Variants in GSE1 observed in about 807,000 individuals in gnomAD.
GSE1 encodes the protein Gse1 coiled-coil protein.
Under a neutral mutation model 112.6 loss-of-function variants are expected in GSE1, and 32 were observed. The observed-to-expected ratio is 0.28, with a 90% CI of 0.21 to 0.38. GSE1 has a LOEUF of 0.38. GSE1 is among the 10% of genes least tolerant of loss of function. The probability of loss-of-function intolerance (pLI) is 1.00; values close to 1 mark genes in which losing one functional copy is unlikely to be tolerated. For synonymous variants in GSE1, 1,115 were observed against 735.6 expected (o/e 1.52, Z -8.35); for missense variants, 2,348 against 1,699.2 (o/e 1.38, Z -6.71).
intron 1 of GSE1, among the ~76,000 whole-genome samples, chr16:85,206,470 G>A (rs1159470072): frequency 6.6e-6 from 1 of 152,130 alleles, no homozygotes; most frequent in Non-Finnish European, 1.5e-5. Flanking sequence ...GGTGTGAGAG[G>A]CTTTTCGGGG....
chr16:85,227,500 A>C (rs561356419), intron 1 of GSE1, among the ~76,000 whole-genome samples: 1 of 152,266 alleles, frequency 6.6e-6, no homozygotes, highest in South Asian at 2.1e-4. Context: ...AGGGCGATCC[A>C]GGTAGCAGGA....
intron 2 of GSE1, among the ~76,000 whole-genome samples, chr16:85,534,406 G>C (rs2044252197): frequency 6.6e-6 from 1 of 152,158 alleles, no homozygotes. Context: ...ACAGGACTGA[G>C]CCACCACGCC....
intron 1 of GSE1, among the ~76,000 whole-genome samples, chr16:85,242,433 G>A (rs542392182): frequency 6.6e-6 from 1 of 152,242 alleles, no homozygotes; most frequent in South Asian, 2.1e-4. Context: ...AGTTGGTGAA[G>A]GCCACCTTCC....
chr16:85,478,919 C>CCTTCT (rs2050575678), intron 2 of GSE1, among the ~76,000 whole-genome samples: 1 of 45,512 alleles, frequency 2.2e-5, no homozygotes, highest in African/African-American at 1.3e-4. Flanking sequence ...TTCTTTCTTT[C>CCTTCT]TTTCTTTCTC....
At chr16:85,623,621 G>A (rs534207363) in intron 1 of GSE1, among the ~76,000 whole-genome samples, 2 of 152,336 alleles carry the variant, frequency 1.3e-5, no homozygotes, top group African/African-American at 4.8e-5. Flanking sequence ...TGAGTGGGAT[G>A]TGAGGACCCC....
At chr16:85,436,793 G>A (rs550891617) in intron 2 of GSE1, among the ~76,000 whole-genome samples, 7 of 152,344 alleles carry the variant, frequency 4.6e-5, no homozygotes, top group South Asian at 2.1e-4. Flanking sequence ...GGGACCCCAC[G>A]CGCGCTGCCA....
intron 2 of GSE1, among the ~76,000 whole-genome samples, chr16:85,644,876 G>A (rs1385540286): frequency 5.3e-5 from 8 of 151,454 alleles, no homozygotes; most frequent in African/African-American, 9.7e-5. Flanking sequence ...TTTAAACAAC[G>A]ATCCTTTCCC....
chr16:85,635,072 A>G (rs993662945), intron 2 of GSE1, among the ~76,000 whole-genome samples: 1 of 152,150 alleles, frequency 6.6e-6, no homozygotes, highest in South Asian at 2.1e-4. Flanking sequence ...TGCAGGAGCC[A>G]TGTCCGTCTT....
intron 1 of GSE1, among the ~76,000 whole-genome samples, chr16:85,227,054 TC>T (rs1446393521): frequency 2.0e-4 from 20 of 99,262 alleles, no homozygotes; most frequent in Non-Finnish European, 4.4e-4. Context: ...TCATCTTCCA[TC>T]TGTCTATTTA....
At chr16:85,520,723 C>G (rs948887139) in intron 2 of GSE1, among the ~76,000 whole-genome samples, 1 of 152,148 alleles carries the variant, frequency 6.6e-6, no homozygotes, top group Non-Finnish European at 1.5e-5. Context: ...GCGCCTAGCC[C>G]CTGCTCCTAT....
intron 13 of GSE1, 65 bp downstream of exon 13, chr16:85,666,412 C>A (rs928831910): frequency 1.3e-6 from 2 of 1,546,538 alleles, no homozygotes; most frequent in East Asian, 2.3e-5. Flanking sequence ...AGTTGCTGAG[C>A]GCCACAGCTG....
At chr16:85,534,590 T>C (rs1156280566) in intron 2 of GSE1, among the ~76,000 whole-genome samples, 3 of 152,188 alleles carry the variant, frequency 2.0e-5, no homozygotes, top group African/African-American at 7.2e-5. Context: ...TTCCACTGTA[T>C]GCGCGTACTA....
intron 1 of GSE1, among the ~76,000 whole-genome samples, chr16:85,602,421 C>T (rs377115394): frequency 5.8e-4 from 88 of 152,272 alleles, no homozygotes; most frequent in African/African-American, 2.1e-3. Flanking sequence ...TGGGAGGCTT[C>T]TTGGGGGCTA....
intron 1 of GSE1, among the ~76,000 whole-genome samples, chr16:85,295,835 G>A (rs1285574648): frequency 6.6e-6 from 1 of 150,732 alleles, no homozygotes; most frequent in East Asian, 1.9e-4. Context: ...GAACTCCTGG[G>A]CTCAAGTGAT....
chr16:85,172,927 C>G (rs561308198), intron 1 of GSE1, among the ~76,000 whole-genome samples: 1 of 152,354 alleles, frequency 6.6e-6, no homozygotes, highest in African/African-American at 2.4e-5. Flanking sequence ...TCCCCCGATA[C>G]GCGGCCCCTG....
intron 2 of GSE1, among the ~76,000 whole-genome samples, chr16:85,533,930 G>A (rs1474869662): frequency 2.6e-5 from 4 of 152,110 alleles, no homozygotes; most frequent in Admixed American, 2.6e-4. Context: ...TGTACCCACT[G>A]TGAGGGGACT....
intron 1 of GSE1, among the ~76,000 whole-genome samples, chr16:85,348,265 C>G (rs1464391115): frequency 6.6e-6 from 1 of 151,812 alleles, no homozygotes; most frequent in East Asian, 1.9e-4. Context: ...ATCCACCCAC[C>G]TGCCCCTCCA....
chr16:85,181,473 G>A (rs9319459), intron 1 of GSE1, among the ~76,000 whole-genome samples: 4 of 152,200 alleles, frequency 2.6e-5, no homozygotes, highest in Non-Finnish European at 4.4e-5. Context: ...CAGCCCTGGT[G>A]GGGGCCTGGC....
At chr16:85,298,573 G>A (rs964520249) in intron 1 of GSE1, among the ~76,000 whole-genome samples, 1 of 152,170 alleles carries the variant, frequency 6.6e-6, no homozygotes, top group African/African-American at 2.4e-5. Flanking sequence ...GATTCCAGGT[G>A]TGCGCCACCA....
Sources: allele counts gnomAD v4.1 joint callset (sites outside exome capture counted in the v4.1 genomes callset), GRCh38; gene constraint gnomAD v4.1.1; transcripts MANE v1.5; gene names NCBI Gene and HGNC (gene_info 2026-07-23, HGNC 2026-07-21).